The following ZBTB7B variants were observed in gnomAD, a reference collection of about 807,000 sequenced individuals.
ZBTB7B encodes the protein zinc finger and BTB domain-containing protein 7B.
ZBTB7B carries 8 observed loss-of-function variants against 31.0 expected under a neutral mutation model. The ratio of observed to expected loss-of-function variants is 0.26; its 90% CI spans 0.15 to 0.47. ZBTB7B has a LOEUF of 0.47. Among genes scored for constraint, ZBTB7B ranks in the 20% least tolerant of loss-of-function variants. The pLI, the probability that ZBTB7B is intolerant of heterozygous loss-of-function variation, is 0.99. For synonymous variants in ZBTB7B, 261 were observed against 307.3 expected (o/e 0.85, Z 1.58); for missense variants, 494 against 742.4 (o/e 0.67, Z 3.89).
rs1040395421 is a variant in ZBTB7B at position 155,018,454 on chromosome 1, C to A, written c.*1769C>A. The A allele has an allele frequency of 7.4e-6, 10 of 1,344,368 alleles. No homozygotes were observed. Among genetic ancestry groups the A allele is most frequent in the Non-Finnish European group, 1.0e-5 (10 of 981,144 alleles). 83.3% of individuals were successfully genotyped at this position (1,344,368 alleles called of 1,614,324 possible). A position where few individuals can be genotyped will look rare whatever the true frequency, so the allele number is the denominator to read the frequency against. ...AGAGGCACTCCCCCCCTCCTATTCCCTTCCCCCCACCCCAACTCCCCCACC... is the reference window on the plus strand; with the variant it reads ...AGAGGCACTCCCCCCCTCCTATTCCATTCCCCCCACCCCAACTCCCCCACC... On this transcript the variant is annotated 3_prime_UTR_variant, in exon 3 of 3. Coordinates refer to ENST00000535420, the MANE Select transcript of ZBTB7B (RefSeq NM_001256455.2).
At chr1:155,014,513 G>A in intron 1 of ZBTB7B, 142 bp from the exon 2 acceptor site, 1 of 714,728 alleles carries the variant, frequency 1.4e-6, no homozygotes. Flanking sequence ...AGAGGGTTCT[G>A]GAAGATGAAA....
At chr1:155,012,608 T>C (rs548686341) in intron 1 of ZBTB7B, among the ~76,000 whole-genome samples, 1 of 151,784 alleles carries the variant, frequency 6.6e-6, no homozygotes, top group South Asian at 2.1e-4. Context: ...GGACTTACGG[T>C]GGGAACAGGT....
At chr1:155,008,089 G>A (rs1658672382) in intron 1 of ZBTB7B, among the ~76,000 whole-genome samples, 1 of 152,146 alleles carries the variant, frequency 6.6e-6, no homozygotes, top group African/African-American at 2.4e-5. Context: ...GCTTGCGCAA[G>A]GGGTGGGGCT....
At chr1:155,007,470 G>C (rs1658628480) in intron 1 of ZBTB7B, among the ~76,000 whole-genome samples, 1 of 152,206 alleles carries the variant, frequency 6.6e-6, no homozygotes, top group Non-Finnish European at 1.5e-5. Flanking sequence ...CGGGAGGTTG[G>C]CACCTGGTGG....
Position 155,004,614 on chromosome 1 carries a change from G to A in ZBTB7B, c.-7+1671G>A, listed in dbSNP as rs1374280359. Among the ~76,000 whole-genome samples the A allele has an allele frequency of 1.3e-5, 2 of 152,092 alleles. No individual in the cohort carries two copies. Among genetic ancestry groups the A allele is most frequent in the Non-Finnish European group, 2.9e-5 (2 of 68,000 alleles). On this transcript the variant is annotated intron_variant, in intron 1 of 2. Coordinates refer to ENST00000535420, the MANE Select transcript of ZBTB7B (RefSeq NM_001256455.2). This position sits in a 1 kb window ranked among gnomAD's most constrained non-coding sequence, Gnocchi z 4.0. ...GGAGTGTTGTGCTGCGCTAGAGAGG[G>A]ACATATGTGTGACTATGTCTGGATG...
At chr1:155,007,653 G>A (rs1658644147) in intron 1 of ZBTB7B, among the ~76,000 whole-genome samples, 1 of 152,148 alleles carries the variant, frequency 6.6e-6, no homozygotes, top group Non-Finnish European at 1.5e-5. Context: ...TAGGGGCCTG[G>A]GCCCGTCTGG....
rs374718387 is a variant in ZBTB7B at position 155,003,104 on chromosome 1, T to C, written c.-7+161T>C. 1.1e-4 allele frequency among the ~76,000 whole-genome samples: 16 copies of C among 152,204 alleles called. 1 individual carries two copies. In the South Asian group the frequency reaches 1.2e-3, roughly 12 times the overall value. ...CTGTGCTTTCCCAACACCCCGGGTC[T>C]CTGGAATTGGTTTTAACTGAGATGA... On this transcript the variant is annotated intron_variant, in intron 1 of 2. Transcript: ENST00000535420. This position sits in a 1 kb window ranked among gnomAD's most constrained non-coding sequence, Gnocchi z 5.8.
In ZBTB7B at chr1:155,003,361, C is replaced by G. The variant is rs942261491; in HGVS notation, c.-7+418C>G. On this transcript the variant is annotated intron_variant, in intron 1 of 2. Transcript: ENST00000535420. The surrounding 1 kb of genome is among the most constrained non-coding windows in gnomAD (Gnocchi z 5.8). ...ACTCTAACTAGGACAACGCGCACCC[C>G]CCCCCCACCCCGCGCCCCCTGGCGC... Among the ~76,000 whole-genome samples, 10 of 151,992 alleles carry G rather than the reference C, an allele frequency of 6.6e-5. No homozygotes were observed. Among genetic ancestry groups the G allele is most frequent in the Admixed American group, 2.0e-4 (3 of 15,280 alleles).
rs909768438 is a variant in ZBTB7B at position 155,004,116 on chromosome 1, C to G, written c.-7+1173C>G. 6.6e-6 allele frequency among the ~76,000 whole-genome samples: 1 copy of G among 152,190 alleles called. No homozygotes were observed. Among genetic ancestry groups the G allele is most frequent in the African/African-American group, 2.4e-5 (1 of 41,446 alleles). ...GTCCGGAGCAGGGGAGGGGCAGAGGCGCCGGTGCTAGCTGACCCACAGGAA... is the reference window on the plus strand; with the variant it reads ...GTCCGGAGCAGGGGAGGGGCAGAGGGGCCGGTGCTAGCTGACCCACAGGAA... On this transcript the variant is annotated intron_variant, in intron 1 of 2. Transcript: ENST00000535420. This position sits in a 1 kb window ranked among gnomAD's most constrained non-coding sequence, Gnocchi z 4.0.
At chr1:155,002,578 G>A (rs1179573204), upstream of ZBTB7B, 3 of 65,024 alleles carry the variant, frequency 4.6e-5, no homozygotes, top group Admixed American at 4.3e-4. Flanking sequence ...GTGACAGAGG[G>A]TGTTTCTAAG....
rs946845386 is a variant in ZBTB7B, at chr1:155,014,529, G to A, written c.-6-126G>A. Reference sequence around the variant, plus strand: ...GAGGGTTCTGGAAGATGAAATGAGTGTAAAGTACTCAGAAGGGTGACTGGC... The same window carrying A: ...GAGGGTTCTGGAAGATGAAATGAGTATAAAGTACTCAGAAGGGTGACTGGC... On this transcript the variant is annotated intron_variant, in intron 1 of 2. Transcript: ENST00000535420. The A allele has an allele frequency of 1.4e-5, 11 of 798,008 alleles. No homozygotes were observed. The African/African-American group carries it at 1.7e-4, about 13-fold the overall frequency. 49.4% of individuals were successfully genotyped at this position (798,008 alleles called of 1,614,324 possible). A position where few individuals can be genotyped will look rare whatever the true frequency, so the allele number is the denominator to read the frequency against.
At chr1:155,011,348 T>C (rs1186091740) in intron 1 of ZBTB7B, among the ~76,000 whole-genome samples, 2 of 152,228 alleles carry the variant, frequency 1.3e-5, no homozygotes, top group Non-Finnish European at 2.9e-5. Context: ...CCTTTTGGTT[T>C]CTTGGTGCTG....
intron 1 of ZBTB7B, among the ~76,000 whole-genome samples, chr1:155,006,811 C>A (rs1658586518): frequency 6.6e-6 from 1 of 152,178 alleles, no homozygotes; most frequent in Non-Finnish European, 1.5e-5. Flanking sequence ...CTTTCCTCCC[C>A]CTTTGCCTGG....
At position 155,011,086 on chromosome 1, in the gene ZBTB7B, G is replaced by A. The variant is rs1033967248; in HGVS notation, c.-6-3569G>A. 9.1e-6 allele frequency: 12 copies of A among 1,325,678 alleles called. No individual in the cohort carries two copies. In the African/African-American group the frequency reaches 1.3e-4, roughly 15 times the overall value. 82.1% of individuals were successfully genotyped at this position (1,325,678 alleles called of 1,614,324 possible). A position where few individuals can be genotyped will look rare whatever the true frequency, so the allele number is the denominator to read the frequency against. ...TCCCAGGCCCATATCTATTTTCTCT[G>A]CTGCTAATCCTGGTTCCGCCTGCTG... On this transcript the variant is annotated intron_variant, in intron 1 of 2. Coordinates refer to ENST00000535420, the MANE Select transcript of ZBTB7B (RefSeq NM_001256455.2).
rs1558083303 is a variant in ZBTB7B, at chr1:155,003,719, GC to G, written c.-7+780del. On this transcript the variant is annotated intron_variant, in intron 1 of 2. Transcript: ENST00000535420. This position sits in a 1 kb window ranked among gnomAD's most constrained non-coding sequence, Gnocchi z 5.8. The stretch of plus-strand genomic sequence containing the variant: ...TCCCCCCACCGGCGCCGGCGCACCT[GC>G]CCCAGCCCAGAGTGGGGGTCGCTAC... Among the ~76,000 whole-genome samples the G allele has an allele frequency of 1.3e-5, 2 of 152,318 alleles. No homozygotes were observed. The highest frequency in any genetic ancestry group is 2.9e-5 in the Non-Finnish European group (2 of 68,010).
chr1:155,007,973 G>A (rs1558085233), intron 1 of ZBTB7B, among the ~76,000 whole-genome samples: 2 of 152,274 alleles, frequency 1.3e-5, no homozygotes. Flanking sequence ...GACCCCAGGA[G>A]TTGTTTAAGT....
intron 1 of ZBTB7B, among the ~76,000 whole-genome samples, chr1:155,012,625 T>C (rs1332180238): frequency 1.3e-5 from 2 of 151,828 alleles, no homozygotes; most frequent in Non-Finnish European, 2.9e-5. Context: ...AGGTGAGCTA[T>C]CTAAGGGTGC....
chr1:155,016,409 C>T lies in ZBTB7B; in HGVS notation c.1344C>T (p.His448=), dbSNP rs752822356. 16 of 1,614,172 alleles carry T rather than the reference C, an allele frequency of 9.9e-6. No homozygotes were observed. The highest frequency in any genetic ancestry group is 5.1e-6 in the Non-Finnish European group (6 of 1,180,026). The change falls in exon 3 of 3, where the codon CAC becomes CAT. Residue 448 remains histidine (H), a synonymous_variant. Transcript: ENST00000535420. This position sits in a 1 kb window ranked among gnomAD's most constrained non-coding sequence, Gnocchi z 4.3. ...CCAAGGAGGACCACCTGCAGCGCCA[C>T]CTCAAAGGCCAGAACTGCCTGGAGG... ...AFAKEDHLQR[H]LKGQNCLEVR...
rs1658399905 is a variant in ZBTB7B, at chr1:155,003,905, G to T, written c.-7+962G>T. Among the ~76,000 whole-genome samples, 1 of 152,138 alleles carries T rather than the reference G, an allele frequency of 6.6e-6. No individual in the cohort carries two copies. Among genetic ancestry groups the T allele is most frequent in the Admixed American group, 6.5e-5 (1 of 15,280 alleles). The stretch of plus-strand genomic sequence containing the variant: ...CCAGAGCGAGGTGGGGGCGGGAGTG[G>T]GGGGGCGGCGTGGGCAGCGGGTTGT... On this transcript the variant is annotated intron_variant, in intron 1 of 2. Transcript: ENST00000535420. The surrounding 1 kb of genome is among the most constrained non-coding windows in gnomAD (Gnocchi z 5.8).
Sources: gnomAD v4.1 joint callset for allele counts (sites outside exome capture counted in the v4.1 genomes callset) on GRCh38, gnomAD v4.1.1 for gene constraint, Gnocchi (gnomAD v3.1) non-coding constraint, MANE v1.5 for transcripts, NCBI Gene and HGNC (gene_info 2026-07-23, HGNC 2026-07-21) for gene names.